ITSN1: variants seen among roughly 807,000 people sequenced by gnomAD.
The protein encoded by ITSN1 is intersectin-1.
ITSN1 carries 58 observed loss-of-function variants against 239.8 expected under a neutral mutation model. The ratio of observed to expected loss-of-function variants is 0.24; its 90% CI spans 0.20 to 0.30. The LOEUF is 0.30. Among genes scored for constraint, ITSN1 ranks in the 10% least tolerant of loss-of-function variants. ITSN1 has a pLI of 1.00. For missense variants in ITSN1, 1,558 were observed against 2,103.3 expected, an observed-to-expected ratio of 0.74 and a Z score of 5.07; for synonymous variants, 780 against 770.8, an observed-to-expected ratio of 1.01 and a Z score of -0.20.
At chr21:33,884,961 C>A in intron 36 of ITSN1, 80 bp from the exon 37 acceptor site, 1 of 977,460 alleles carries the variant, frequency 1.0e-6, no homozygotes, top group Non-Finnish European at 1.6e-6. Flanking sequence ...GAAACAGAGT[C>A]CTGGCAACAG....
chr21:33,761,899 G>A, intron 8 of ITSN1, 24 bp from the exon 9 acceptor site: 1 of 1,593,266 alleles, frequency 6.3e-7, no homozygotes, highest in Non-Finnish European at 8.6e-7. Context: ...TCATCTGTAT[G>A]TCCTTTTCCT....
At position 33,889,881 on chromosome 21, in the gene ITSN1, G is replaced by A. The variant is rs1376854974; in HGVS notation, c.*1581G>A. ...CTTCAAGCAATTTTTTTAAAAGTGT[G>A]TGTTGGAAAGGACAACAAAGTTTAC... On this transcript the variant is annotated 3_prime_UTR_variant, in exon 40 of 40. Transcript: ENST00000381318. The A allele has an allele frequency of 6.6e-6, 1 of 152,188 alleles. No individual in the cohort carries two copies. Among genetic ancestry groups the A allele is most frequent in the African/African-American group, 2.4e-5 (1 of 41,442 alleles). The allele number at this position is 152,188 out of a possible 1,614,324, so 9.4% of individuals were successfully genotyped here.
At position 33,887,889 on chromosome 21, in the gene ITSN1, C is replaced by T. The variant is rs980511575; in HGVS notation, c.5018-263C>T. Among the ~76,000 whole-genome samples the T allele has an allele frequency of 5.9e-5, 9 of 151,874 alleles. No individual in the cohort carries two copies. In the East Asian group the frequency reaches 9.7e-4, roughly 16 times the overall value. ...TCCCAAAGTGCTGGGATTACAGACG[C>T]GAGCCACTGTGCCCGGCCACCTTCT... On this transcript the variant is annotated intron_variant, in intron 39 of 39. Coordinates refer to ENST00000381318, the MANE Select transcript of ITSN1 (RefSeq NM_003024.3).
intron 27 of ITSN1, 84 bp downstream of exon 27, chr21:33,829,829 G>T: frequency 6.6e-7 from 1 of 1,509,988 alleles, no homozygotes. Context: ...TTATTGTAAA[G>T]TACAAACCAC....
In ITSN1 at chr21:33,829,717, C is replaced by G. The variant is rs1365241774; in HGVS notation, c.3323C>G (p.Pro1108Arg). ...CTGATTTTGATCCGAAAAAAGAACCCAGGTGGATGGTGGGAAGGAGAGCTG... is the reference window on the plus strand; with the variant it reads ...CTGATTTTGATCCGAAAAAAGAACCGAGGTGGATGGTGGGAAGGAGAGCTG... ...GQLILIRKKN[P>R]GGWWEGELQA... The change falls in exon 27 of 40, where the codon CCA (proline) becomes CGA (arginine). Residue 1108 changes from proline to arginine, a missense_variant. Coordinates refer to ENST00000381318, the MANE Select transcript of ITSN1 (RefSeq NM_003024.3). 6.2e-7 allele frequency: 1 copy of G among 1,613,648 alleles called. No individual in the cohort carries two copies. The highest frequency in any genetic ancestry group is 1.1e-5 in the South Asian group (1 of 91,042).
chr21:33,834,071 CCA>C (rs1284801468), intron 27 of ITSN1, among the ~76,000 whole-genome samples: 1 of 152,110 alleles, frequency 6.6e-6, no homozygotes, highest in African/African-American at 2.4e-5. Context: ...ATTTTGTGAT[CCA>C]CACAGTCTAG....
In ITSN1 at chr21:33,644,194, A is replaced by G. The variant is rs368631444; in HGVS notation, c.-33+1481A>G. Reference sequence around the variant, plus strand: ...TATGTTTCTGTTTAAAATTTCTTTTACTGGTGTGCTTGAAACGTTATTTTG... The same window carrying G: ...TATGTTTCTGTTTAAAATTTCTTTTGCTGGTGTGCTTGAAACGTTATTTTG... On this transcript the variant is annotated intron_variant, in intron 1 of 39. Transcript: ENST00000381318. 2.4e-4 allele frequency among the ~76,000 whole-genome samples: 37 copies of G among 152,330 alleles called. No homozygotes were observed. In the East Asian group the frequency reaches 6.4e-3, roughly 26 times the overall value.
At chr21:33,849,736 A>G (rs988739241) in intron 29 of ITSN1, among the ~76,000 whole-genome samples, 2 of 152,220 alleles carry the variant, frequency 1.3e-5, no homozygotes, top group South Asian at 2.1e-4. Flanking sequence ...TGATTATTAC[A>G]CATTGCATCC....
chr21:33,744,582 A>C (rs1328763755), intron 5 of ITSN1, among the ~76,000 whole-genome samples: 1 of 152,192 alleles, frequency 6.6e-6, no homozygotes, highest in Non-Finnish European at 1.5e-5. Context: ...TCACCAAAAG[A>C]AACCAGAGTT....
intron 29 of ITSN1, among the ~76,000 whole-genome samples, chr21:33,839,165 G>A (rs1382001271): frequency 2.0e-5 from 3 of 152,178 alleles, no homozygotes; most frequent in Non-Finnish European, 2.9e-5. Context: ...GTGGTACTCC[G>A]TGGAAACAGA....
chr21:33,759,595 C>G (rs1429160881), intron 8 of ITSN1, among the ~76,000 whole-genome samples: 2 of 152,114 alleles, frequency 1.3e-5, no homozygotes, highest in Non-Finnish European at 1.5e-5. Flanking sequence ...AAAGTGATGC[C>G]TGAACTTTGC....
chr21:33,682,977 A>G (rs922411702), intron 1 of ITSN1, among the ~76,000 whole-genome samples: 1 of 152,172 alleles, frequency 6.6e-6, no homozygotes, highest in African/African-American at 2.4e-5. Context: ...GATTAATTTT[A>G]TCTTACCCTT....
chr21:33,791,042 A>AT, intron 16 of ITSN1, among the ~76,000 whole-genome samples: 1 of 152,278 alleles, frequency 6.6e-6, no homozygotes, highest in African/African-American at 2.4e-5. Context: ...TCATTCACTC[A>AT]TTTTTTTAAG....
chr21:33,706,252 C>A (rs541057599), intron 1 of ITSN1, among the ~76,000 whole-genome samples: 40 of 152,244 alleles, frequency 2.6e-4, no homozygotes, highest in African/African-American at 8.7e-4. Context: ...CTCCTGACCT[C>A]AAGTGATCTG....
At chr21:33,852,139 T>C (rs2148464945) in intron 29 of ITSN1, among the ~76,000 whole-genome samples, 1 of 152,264 alleles carries the variant, frequency 6.6e-6, no homozygotes, top group African/African-American at 2.4e-5. Flanking sequence ...TCTCCCAAGA[T>C]TGTGAGTTTC....
chr21:33,821,586 A>T (rs913064535), intron 24 of ITSN1, among the ~76,000 whole-genome samples: 1 of 152,182 alleles, frequency 6.6e-6, no homozygotes, highest in South Asian at 2.1e-4. Context: ...CCTATCCATC[A>T]TCATGTCTCT....
chr21:33,750,811 T>G (rs1158332457), intron 6 of ITSN1, among the ~76,000 whole-genome samples: 1 of 152,238 alleles, frequency 6.6e-6, no homozygotes, highest in Non-Finnish European at 1.5e-5. Context: ...GGAAAGGATT[T>G]AAAAGTTTCT....
intron 5 of ITSN1, among the ~76,000 whole-genome samples, chr21:33,747,633 A>G (rs2067264876): frequency 6.6e-6 from 1 of 152,232 alleles, no homozygotes; most frequent in African/African-American, 2.4e-5. Flanking sequence ...GATATAAATA[A>G]CAGCAGACTT....
At chr21:33,880,392 T>C (rs743316) in intron 34 of ITSN1, among the ~76,000 whole-genome samples, 47,751 of 151,966 alleles carry the variant, frequency 0.31, 10,244 homozygotes, top group African/African-American at 0.62. Flanking sequence ...GCTTGAACCC[T>C]GTCTTGGCAA....
Sources: allele counts gnomAD v4.1 joint callset (sites outside exome capture counted in the v4.1 genomes callset), GRCh38; gene constraint gnomAD v4.1.1; transcripts MANE v1.5; gene names NCBI Gene and HGNC (gene_info 2026-07-23, HGNC 2026-07-21).